The following CSGALNACT2 variants were observed in gnomAD, a reference collection of about 807,000 sequenced individuals.
CSGALNACT2 encodes the protein beta 4 GalNAcT-2.
A neutral mutation model predicts 55.3 loss-of-function variants in CSGALNACT2; 35 were observed. The ratio of observed to expected loss-of-function variants is 0.63; its 90% confidence interval spans 0.48 to 0.84. The LOEUF (loss-of-function observed/expected upper bound fraction) is 0.84. Ranked by LOEUF, CSGALNACT2 falls within the 40% of genes least tolerant of loss-of-function variation. The pLI is 0.00. For synonymous variants in CSGALNACT2, 196 were observed against 224.9 expected, an observed-to-expected ratio of 0.87 and a Z score of 1.15; for missense variants, 544 against 657.5, an observed-to-expected ratio of 0.83 and a Z score of 1.89.
chr10:43,139,196 G>C (rs537037682), intron 1 of CSGALNACT2, among the ~76,000 whole-genome samples: 2 of 152,188 alleles, frequency 1.3e-5, no homozygotes, highest in African/African-American at 2.4e-5. Flanking sequence ...ATGGGATGTC[G>C]TGACGTTTCA....
At position 43,155,117 on chromosome 10, in the gene CSGALNACT2, C is replaced by T; in HGVS notation, c.-33C>T. ...ACTAAAGGTATGAACACACAAAGAG[C>T]TTATTTTGTTAGGCAAATACACATT... On this transcript the variant is annotated 5_prime_UTR_variant, in exon 2 of 8. Transcript: ENST00000374466. The T allele has an allele frequency of 6.5e-7, 1 of 1,537,264 alleles. No individual in the cohort carries two copies. Among genetic ancestry groups the T allele is most frequent in the Non-Finnish European group, 8.9e-7 (1 of 1,121,386 alleles).
chr10:43,152,255 A>G (rs1838891747), intron 1 of CSGALNACT2, among the ~76,000 whole-genome samples: 5 of 152,230 alleles, frequency 3.3e-5, no homozygotes, highest in Admixed American at 3.3e-4. Flanking sequence ...GATGACAATC[A>G]AGATGTAACA....
chr10:43,149,012 A>G (rs947564348), intron 1 of CSGALNACT2, among the ~76,000 whole-genome samples: 10 of 152,202 alleles, frequency 6.6e-5, no homozygotes, highest in South Asian at 6.2e-4. Flanking sequence ...AATGTTAGCT[A>G]TGGGTTTTTT....
chr10:43,149,733 C>T (rs186775405), intron 1 of CSGALNACT2, among the ~76,000 whole-genome samples: 1 of 152,166 alleles, frequency 6.6e-6, no homozygotes, highest in Non-Finnish European at 1.5e-5. Flanking sequence ...TTGGAAGAGT[C>T]TGTGAAGATA....
intron 6 of CSGALNACT2, among the ~76,000 whole-genome samples, chr10:43,168,549 T>A (rs1279823891): frequency 1.3e-5 from 2 of 152,110 alleles, no homozygotes; most frequent in Non-Finnish European, 2.9e-5. Flanking sequence ...ATAAATACAA[T>A]GTTTTAATTT....
intron 1 of CSGALNACT2, among the ~76,000 whole-genome samples, chr10:43,140,302 A>G (rs906953279): frequency 1.3e-5 from 2 of 152,242 alleles, no homozygotes; most frequent in African/African-American, 4.8e-5. Flanking sequence ...AATTACCAAC[A>G]TGGAGTCATT....
At chr10:43,169,272 T>C (rs988561446) in intron 6 of CSGALNACT2, among the ~76,000 whole-genome samples, 1 of 151,994 alleles carries the variant, frequency 6.6e-6, no homozygotes, top group Non-Finnish European at 1.5e-5. Context: ...GAAACAAAAG[T>C]GAGTAGCAAT....
At position 43,183,782 on chromosome 10, in the gene CSGALNACT2, G is replaced by T; in HGVS notation, c.*240G>T. The T allele has an allele frequency of 1.9e-6, 1 of 519,876 alleles. No homozygotes were observed. Among genetic ancestry groups the T allele is most frequent in the South Asian group, 2.2e-5 (1 of 44,868 alleles). 32.2% of individuals were successfully genotyped at this position (519,876 alleles called of 1,614,324 possible). A position where few individuals can be genotyped will look rare whatever the true frequency, so the allele number is the denominator to read the frequency against. ...ATTGACAAATTGAAATCTCATATTT[G>T]TCCCAAAAGTTGTTTTGAGTTAGTT... is the stretch of plus-strand genomic sequence containing the variant. On this transcript the variant is annotated 3_prime_UTR_variant, in exon 8 of 8. Transcript: ENST00000374466.
At chr10:43,152,299 A>G (rs1838893097) in intron 1 of CSGALNACT2, among the ~76,000 whole-genome samples, 1 of 152,336 alleles carries the variant, frequency 6.6e-6, no homozygotes, top group Non-Finnish European at 1.5e-5. Flanking sequence ...TTCTTAATAT[A>G]TTTATATGAT....
chr10:43,146,865 CT>C (rs1564509436), intron 1 of CSGALNACT2, among the ~76,000 whole-genome samples: 1 of 149,906 alleles, frequency 6.7e-6, no homozygotes. Context: ...TATGGTCATT[CT>C]TTTTAATGTT....
chr10:43,171,306 TA>T (rs1285705005), intron 6 of CSGALNACT2, among the ~76,000 whole-genome samples: 1 of 151,642 alleles, frequency 6.6e-6, no homozygotes, highest in Admixed American at 6.6e-5. Flanking sequence ...AAGAGGCAAA[TA>T]AAGTCAACAT....
Position 43,183,452 on chromosome 10 carries a change from C to T in CSGALNACT2, c.1539C>T (p.His513=). ...IQSKAMNEAS[H]SHLGMLVFRE... ...CTAAAGCCATGAATGAGGCCTCTCA[C>T]TCCCACCTGGGAATGCTGGTCTTCA... The change falls in exon 8 of 8, where the codon CAC becomes CAT. Residue 513 remains histidine, a synonymous_variant. Coordinates refer to ENST00000374466, the MANE Select transcript of CSGALNACT2 (RefSeq NM_018590.5). The T allele has an allele frequency of 6.2e-7, 1 of 1,614,054 alleles. No individual in the cohort carries two copies. Among genetic ancestry groups the T allele is most frequent in the Non-Finnish European group, 8.5e-7 (1 of 1,179,878 alleles).
At chr10:43,173,493 C>G (rs1003372472) in intron 6 of CSGALNACT2, among the ~76,000 whole-genome samples, 4 of 152,208 alleles carry the variant, frequency 2.6e-5, no homozygotes, top group African/African-American at 7.2e-5. Context: ...GAGTTTCCTT[C>G]TACTTTCCTT....
At position 43,155,528 on chromosome 10, in the gene CSGALNACT2, C is replaced by A; in HGVS notation, c.379C>A (p.Gln127Lys). 6.2e-7 allele frequency: 1 copy of A among 1,614,152 alleles called. No individual in the cohort carries two copies. The highest frequency in any genetic ancestry group is 2.2e-5 in the East Asian group (1 of 44,884). The change falls in exon 2 of 8, where the codon CAA (glutamine) becomes AAA (lysine). Residue 127 changes from glutamine (Q) to lysine (K), a missense_variant. Transcript: ENST00000374466. ...TGATCTTTTAGAGTTTCTTCATTCC[C>A]AAATTGACAAAGCTGAAGTTAGCAT... ...PSDLLEFLHS[Q>K]IDKAEVSIGA...
At chr10:43,153,848 T>A (rs1838933875) in intron 1 of CSGALNACT2, among the ~76,000 whole-genome samples, 1 of 152,214 alleles carries the variant, frequency 6.6e-6, no homozygotes, top group African/African-American at 2.4e-5. Flanking sequence ...GGTTTTTGAA[T>A]TTTTTTCTCT....
chr10:43,175,941 T>G lies in CSGALNACT2; in HGVS notation c.1255-10T>G. On this transcript the variant is annotated splice_polypyrimidine_tract_variant and intron_variant, in intron 6 of 7. Transcript: ENST00000374466. Reference sequence around the variant, plus strand: ...TTAAATTGTTTTCTGTTTTTTTTTTTTTAACTAAGGTTCACAAAAAGGATT... The same window carrying G: ...TTAAATTGTTTTCTGTTTTTTTTTTGTTAACTAAGGTTCACAAAAAGGATT... 6.3e-7 allele frequency: 1 copy of G among 1,590,818 alleles called. No homozygotes were observed. The highest frequency in any genetic ancestry group is 8.5e-7 in the Non-Finnish European group (1 of 1,173,466).
At chr10:43,165,403 T>A (rs1278122407) in intron 5 of CSGALNACT2, among the ~76,000 whole-genome samples, 2 of 151,792 alleles carry the variant, frequency 1.3e-5, no homozygotes, top group Admixed American at 6.6e-5. Flanking sequence ...TGTGAGGTGA[T>A]GATATATGTT....
intron 7 of CSGALNACT2, 45 bp from the exon 8 acceptor site, chr10:43,183,205 G>T (rs1839624875): frequency 7.0e-7 from 1 of 1,421,406 alleles, no homozygotes; most frequent in Non-Finnish European, 9.9e-7. Flanking sequence ...CTGTGCTCTG[G>T]CTAATAATAG....
chr10:43,153,828 A>T (rs1838933298), intron 1 of CSGALNACT2, among the ~76,000 whole-genome samples: 1 of 152,234 alleles, frequency 6.6e-6, no homozygotes, highest in African/African-American at 2.4e-5. Flanking sequence ...AATTTTATAA[A>T]TGTATAAATG....
Sources: gnomAD v4.1 joint callset for allele counts (sites outside exome capture counted in the v4.1 genomes callset) on GRCh38, gnomAD v4.1.1 for gene constraint, MANE v1.5 for transcripts, NCBI Gene and HGNC (gene_info 2026-07-23, HGNC 2026-07-21) for gene names.